The following SBNO1 variants were observed in gnomAD, a reference collection of about 807,000 sequenced individuals.
SBNO1 encodes protein strawberry notch homolog 1.
A neutral mutation model predicts 173.6 loss-of-function variants in SBNO1; 23 were observed. The observed-to-expected ratio is 0.13, with a 90% confidence interval of 0.10 to 0.19. The LOEUF (loss-of-function observed/expected upper bound fraction) is 0.19. SBNO1 is among the 10% of genes least tolerant of loss of function. The pLI, the probability that SBNO1 is intolerant of heterozygous loss-of-function variation, is 1.00. For synonymous variants in SBNO1, 632 were observed against 571.5 expected, an observed-to-expected ratio of 1.11 and a Z score of -1.51; for missense variants, 1,238 against 1,671.2, an observed-to-expected ratio of 0.74 and a Z score of 4.52.
chr12:123,364,630 C>CGAG (rs1555253724), intron 1 of SBNO1, 71 bp downstream of exon 1: 946,020 of 984,162 alleles, frequency 0.96, 454,881 homozygotes, highest in Non-Finnish European at 0.96. Context: ...CACGGCCCCC[C>CGAG]GAGGGTGGGA....
At chr12:123,304,497 A>G (rs752739285) in intron 29 of SBNO1, 85 bp downstream of exon 29, 2 of 1,062,954 alleles carry the variant, frequency 1.9e-6, no homozygotes, top group East Asian at 2.7e-5. Flanking sequence ...CGGCCTCCCA[A>G]AGTGCTGAGA....
intron 1 of SBNO1, among the ~76,000 whole-genome samples, chr12:123,351,989 G>C (rs978048137): frequency 2.6e-5 from 4 of 152,024 alleles, no homozygotes; most frequent in African/African-American, 9.7e-5. Flanking sequence ...GGGGGCTAAA[G>C]CCAATTTAAA....
chr12:123,363,885 G>A lies in SBNO1; in HGVS notation c.-1+816C>T, dbSNP rs1352030558. On this transcript the variant is annotated intron_variant, in intron 1 of 31. Coordinates refer to ENST00000602398, the MANE Select transcript of SBNO1 (RefSeq NM_001167856.3). ...GCCAGGGTCAGGAAAGAAACAATCA[G>A]AAGGGTTTAGGAACATCCAAATCTC... is the stretch of plus-strand genomic sequence containing the variant. 6.1e-6 allele frequency: 6 copies of A among 985,600 alleles called. No individual in the cohort carries two copies. In the East Asian group the frequency reaches 4.5e-4, roughly 74 times the overall value. The allele number at this position is 985,600 out of a possible 1,614,324, so 61.1% of individuals were successfully genotyped here. A position where few individuals can be genotyped will look rare whatever the true frequency, so the allele number is the denominator to read the frequency against.
intron 30 of SBNO1, among the ~76,000 whole-genome samples, chr12:123,298,612 T>C (rs1312859624): frequency 6.6e-6 from 1 of 152,212 alleles, no homozygotes; most frequent in Non-Finnish European, 1.5e-5. Flanking sequence ...TCTTAGATTA[T>C]AATTCTGTTG....
intron 1 of SBNO1, among the ~76,000 whole-genome samples, chr12:123,362,699 G>A (rs920803341): frequency 4.9e-5 from 7 of 143,028 alleles, no homozygotes; most frequent in African/African-American, 1.1e-4. Flanking sequence ...AACCCTGAAG[G>A]CAGAGGTTGC....
chr12:123,321,849 G>A (rs1870011484), intron 16 of SBNO1, 117 bp from the exon 17 acceptor site: 4 of 835,710 alleles, frequency 4.8e-6, no homozygotes, highest in South Asian at 3.4e-5. Context: ...AAGTATTTAG[G>A]TTAAGTCAAA....
chr12:123,327,470 G>C lies in SBNO1; in HGVS notation c.1648C>G (p.Leu550Val), dbSNP rs1161249819. 6.2e-7 allele frequency: 1 copy of C among 1,613,908 alleles called. No homozygotes were observed. The highest frequency in any genetic ancestry group is 1.7e-5 in the Admixed American group (1 of 59,974). The change falls in exon 13 of 32, where the codon CTT (leucine) becomes GTT (valine). Residue 550 changes from leucine to valine, a missense_variant. Leu to Val is a conservative substitution (Grantham distance 32). Coordinates refer to ENST00000602398, the MANE Select transcript of SBNO1 (RefSeq NM_001167856.3). ...GVTFKIEEVL[L>V]SQSYVKMYNK... Reference sequence around the variant, plus strand: ...TACATTTTAACGTAGCTCTGAGAAAGAAGAACTTCCTCAATTTTGAAGGTC... The same window carrying C: ...TACATTTTAACGTAGCTCTGAGAAACAAGAACTTCCTCAATTTTGAAGGTC...
At chr12:123,306,304 A>G (rs2048911654) in intron 28 of SBNO1, among the ~76,000 whole-genome samples, 1 of 152,196 alleles carries the variant, frequency 6.6e-6, no homozygotes, top group South Asian at 2.1e-4. Flanking sequence ...AGTGATTCTG[A>G]CATTGTTTTC....
At position 123,362,435 on chromosome 12, in the gene SBNO1, C is replaced by CAA. The variant is rs56019572; in HGVS notation, c.-1+2264_-1+2265dup. Among the ~76,000 whole-genome samples the CAA allele has an allele frequency of 1.2e-3, 59 of 49,742 alleles. 1 individual carries two copies. In the East Asian group the frequency reaches 0.026, roughly 22 times the overall value. The allele number at this position is 49,742 out of a possible 152,430, so 32.6% of individuals were successfully genotyped here. On this transcript the variant is annotated intron_variant, in intron 1 of 31. Coordinates refer to ENST00000602398, the MANE Select transcript of SBNO1 (RefSeq NM_001167856.3). The stretch of plus-strand genomic sequence containing the variant: ...TGGGCCACTGAGCGAGACTCCGTCT[C>CAA]AAAAAAAAAAAAAAAAAAAAAAAAA...
At chr12:123,310,184 T>C (rs369756290) in intron 25 of SBNO1, among the ~76,000 whole-genome samples, 1 of 152,206 alleles carries the variant, frequency 6.6e-6, no homozygotes, top group African/African-American at 2.4e-5. Flanking sequence ...TCTGGGAGCT[T>C]TGGAAAACTA....
chr12:123,298,342 T>C (rs550076843), intron 30 of SBNO1, among the ~76,000 whole-genome samples, 171 bp from the exon 31 acceptor site: 5 of 152,140 alleles, frequency 3.3e-5, no homozygotes, highest in East Asian at 1.9e-4. Context: ...TCTCGGCTCA[T>C]TGCAACCTCT....
At position 123,317,266 on chromosome 12, in the gene SBNO1, T is replaced by C. The variant is rs1466237486; in HGVS notation, c.2890A>G (p.Thr964Ala). 6.2e-7 allele frequency: 1 copy of C among 1,614,172 alleles called. No individual in the cohort carries two copies. The highest frequency in any genetic ancestry group is 1.7e-5 in the Admixed American group (1 of 60,010). The change falls in exon 21 of 32, where the codon ACT (threonine) becomes GCT (alanine). Residue 964 changes from threonine to alanine, a missense_variant. Physicochemically the swap from Thr to Ala is moderately conservative, Grantham distance 58. Around this residue, in one of 14 missense-constraint regions of SBNO1, gnomAD observed 39 missense variants for 129.7 expected, o/e 0.30. Transcript: ENST00000602398. ...AKNQRRRVHMTLELPWSADRA... is the reference protein window; with the variant it reads ...AKNQRRRVHMALELPWSADRA... Reference sequence around the variant, plus strand: ...TCAGCGCTCCAAGGTAATTCTAAAGTCATATGAACTCTTCGCCTTTGATTT... The same window carrying C: ...TCAGCGCTCCAAGGTAATTCTAAAGCCATATGAACTCTTCGCCTTTGATTT...
At chr12:123,304,827 G>A (rs78862746) in intron 28 of SBNO1, 108 bp from the exon 29 acceptor site, 36,697 of 755,418 alleles carry the variant, frequency 0.049, 1,707 homozygotes, top group East Asian at 0.24. Flanking sequence ...ATAACACTAA[G>A]TAAGTACACG....
In SBNO1 at chr12:123,295,757, T is replaced by C; in HGVS notation, c.*151A>G. On this transcript the variant is annotated 3_prime_UTR_variant, in exon 32 of 32. Transcript: ENST00000602398. ...ACTGCTGATTTTCAGTTTTGCTATC[T>C]ATTCCAGGTTTGTCCTTACTCCCAA... 1.1e-6 allele frequency: 1 copy of C among 888,834 alleles called. No individual in the cohort carries two copies. The highest frequency in any genetic ancestry group is 1.8e-5 in the South Asian group (1 of 56,346). The allele number at this position is 888,834 out of a possible 1,614,324, so 55.1% of individuals were successfully genotyped here. A position where few individuals can be genotyped will look rare whatever the true frequency, so the allele number is the denominator to read the frequency against.
chr12:123,344,137 C>T (rs548431229), intron 4 of SBNO1, among the ~76,000 whole-genome samples: 1 of 152,146 alleles, frequency 6.6e-6, no homozygotes, highest in Non-Finnish European at 1.5e-5. Flanking sequence ...AGCAGGCTTC[C>T]TCATTAAATC....
rs1327560941 is a variant in SBNO1 at position 123,293,782 on chromosome 12, C to G, written c.*2126G>C. The G allele has an allele frequency of 6.6e-6, 1 of 152,170 alleles. No homozygotes were observed. Among genetic ancestry groups the G allele is most frequent in the Non-Finnish European group, 1.5e-5 (1 of 68,028 alleles). 9.4% of individuals were successfully genotyped at this position (152,170 alleles called of 1,614,324 possible). On this transcript the variant is annotated 3_prime_UTR_variant, in exon 32 of 32. Coordinates refer to ENST00000602398, the MANE Select transcript of SBNO1 (RefSeq NM_001167856.3). ...GAAAACGCCATAAAAAACTAAGATGCCCTCATACACAGAAAAGAGGAGTTG... is the reference window on the plus strand; with the variant it reads ...GAAAACGCCATAAAAAACTAAGATGGCCTCATACACAGAAAAGAGGAGTTG...
intron 31 of SBNO1, among the ~76,000 whole-genome samples, chr12:123,297,461 C>T (rs2048647993): frequency 7.4e-6 from 1 of 135,804 alleles, no homozygotes; most frequent in African/African-American, 2.8e-5. Flanking sequence ...TCCCGATATG[C>T]AATCCGTGGT....
intron 23 of SBNO1, among the ~76,000 whole-genome samples, chr12:123,314,159 T>C (rs953999088): frequency 2.0e-5 from 3 of 152,112 alleles, no homozygotes; most frequent in Non-Finnish European, 4.4e-5. Flanking sequence ...TATCTTTATA[T>C]GTATTTATTT....
At position 123,331,126 on chromosome 12, in the gene SBNO1, C is replaced by G. The variant is rs1263829882; in HGVS notation, c.1043+116G>C. The G allele has an allele frequency of 4.8e-6, 5 of 1,038,290 alleles. No homozygotes were observed. The South Asian group carries it at 7.8e-5, about 16-fold the overall frequency. 64.3% of individuals were successfully genotyped at this position (1,038,290 alleles called of 1,614,324 possible). On this transcript the variant is annotated intron_variant, in intron 8 of 31. Transcript: ENST00000602398. ...TACAGGAACCCACCATGACGACCGG[C>G]TGATTTTTTGTACTTTTAGTAGAGA...
Sources: allele counts gnomAD v4.1 joint callset (sites outside exome capture counted in the v4.1 genomes callset), GRCh38; gene constraint gnomAD v4.1.1; regional missense constraint gnomAD v4.1.1; transcripts MANE v1.5; gene names NCBI Gene and HGNC (gene_info 2026-07-23, HGNC 2026-07-21).